MTAP: variants seen among roughly 807,000 people sequenced by gnomAD.
MTAP encodes the protein methylthioadenosine phosphorylase, also known as S-methyl-5'-thioadenosine phosphorylase.
A neutral mutation model predicts 33.6 loss-of-function variants in MTAP; 33 were observed. The observed-to-expected ratio is 0.98, with a 90% CI of 0.74 to 1.31. The LOEUF (loss-of-function observed/expected upper bound fraction) is 1.31, where lower values mean the gene tolerates loss of function less well. MTAP is among the 40% of genes most tolerant of loss of function. The pLI, the probability that MTAP is intolerant of heterozygous loss-of-function variation, is 0.00. For synonymous variants in MTAP, 148 were observed against 125.7 expected (o/e 1.18, Z -1.19); for missense variants, 367 against 360.0 (o/e 1.02, Z -0.16).
chr9:21,833,544 A>G (rs947150427), intron 4 of MTAP, among the ~76,000 whole-genome samples: 1 of 152,182 alleles, frequency 6.6e-6, no homozygotes, highest in African/African-American at 2.4e-5. Flanking sequence ...ATTTTTTCTC[A>G]TGACTGCCTA....
intron 1 of MTAP, among the ~76,000 whole-genome samples, chr9:21,807,044 A>G (rs932635834): frequency 2.6e-5 from 4 of 152,120 alleles, no homozygotes; most frequent in African/African-American, 4.8e-5. Flanking sequence ...CACGCATGTA[A>G]TCCCAGCTAC....
At chr9:21,940,084 C>G (rs1416630758), downstream of MTAP, among the ~76,000 whole-genome samples, 2 of 152,122 alleles carry the variant, frequency 1.3e-5, no homozygotes, top group Non-Finnish European at 2.9e-5. Context: ...AGTTTGAAAC[C>G]AAGCCTGGCC....
rs112010100 is a variant in MTAP at position 21,827,044 on chromosome 9, T to A, written c.347+8842T>A. 3.7e-3 allele frequency among the ~76,000 whole-genome samples: 562 copies of A among 152,270 alleles called. 4 individuals are homozygous for A. Among genetic ancestry groups the A allele is most frequent in the African/African-American group, 0.013 (525 of 41,540 alleles). On this transcript the variant is annotated intron_variant, in intron 4 of 7. Transcript: ENST00000644715. ...TGAAACCATCCCCTCTGACCCTCTC[T>A]GTGGAAAAATTATCTTCCATGAAAT...
At position 21,865,915 on chromosome 9, in the gene MTAP, T is replaced by C. The variant is rs995568790; in HGVS notation, c.*3901T>C. 42 of 550,270 alleles carry C rather than the reference T, an allele frequency of 7.6e-5. No homozygotes were observed. Among genetic ancestry groups the C allele is most frequent in the Non-Finnish European group, 9.0e-5 (39 of 431,942 alleles). 34.1% of individuals were successfully genotyped at this position (550,270 alleles called of 1,614,324 possible). On this transcript the variant is annotated 3_prime_UTR_variant, in exon 8 of 8. Coordinates refer to ENST00000644715, the MANE Select transcript of MTAP (RefSeq NM_002451.4). ...GATTATCTATTCACCTGTTGATGAA[T>C]GTTTGAATTTTTTCCATTTGAGGAA...
rs566201427 is a variant in MTAP, at chr9:21,913,332, G to C, written c.148-17676G>C. ...GCCTGCACCGCCAAGTCAATCCTAAGCCAAAAGAACAAAGCTGGAGGCATC... is the reference window on the plus strand; with the variant it reads ...GCCTGCACCGCCAAGTCAATCCTAACCCAAAAGAACAAAGCTGGAGGCATC... On this transcript the variant is annotated intron_variant, in intron 1 of 1. Coordinates refer to the MTAP transcript ENST00000577563. 8.2e-4 allele frequency among the ~76,000 whole-genome samples: 125 copies of C among 152,266 alleles called. 1 individual carries two copies. The highest frequency in any genetic ancestry group is 1.8e-4 in the Non-Finnish European group (12 of 68,034).
intron 4 of MTAP, among the ~76,000 whole-genome samples, chr9:21,831,776 C>T (rs1180882241): frequency 6.9e-6 from 1 of 144,788 alleles, no homozygotes. Flanking sequence ...GAATGTTTTG[C>T]AGATATTGAT....
chr9:21,900,355 G>A (rs958327377), intron 1 of MTAP, among the ~76,000 whole-genome samples: 2 of 152,004 alleles, frequency 1.3e-5, no homozygotes, highest in Admixed American at 6.6e-5. Context: ...ATGGGCAAAC[G>A]AAATGAACAG....
At chr9:21,933,824 A>G (rs1819000991), downstream of MTAP, 1 of 152,120 alleles carries the variant, frequency 6.6e-6, no homozygotes, top group African/African-American at 2.4e-5. Context: ...ATATTTTTCT[A>G]CCTCTAGAGA....
At chr9:21,928,805 T>G (rs1462761078) in intron 1 of MTAP, among the ~76,000 whole-genome samples, 3 of 152,000 alleles carry the variant, frequency 2.0e-5, no homozygotes, top group Non-Finnish European at 2.9e-5. Context: ...CAAATCTGTA[T>G]TGCCCCTAAG....
At chr9:21,893,512 C>T (rs981387538) in intron 1 of MTAP, 4 of 151,790 alleles carry the variant, frequency 2.6e-5, no homozygotes, top group African/African-American at 9.7e-5. Context: ...GCTTGCTAGA[C>T]TTACAAAAAA....
At chr9:21,845,028 CT>C (rs1434026287) in intron 5 of MTAP, among the ~76,000 whole-genome samples, 1 of 103,018 alleles carries the variant, frequency 9.7e-6, no homozygotes, top group African/African-American at 5.0e-5. Context: ...GAGACTCCGT[CT>C]CAAAAAAAAA....
chr9:21,881,051 A>C (rs1421762946), intron 1 of MTAP, among the ~76,000 whole-genome samples: 1 of 152,102 alleles, frequency 6.6e-6, no homozygotes, highest in Non-Finnish European at 1.5e-5. Context: ...GTACTGGCAT[A>C]AAGACAGACA....
chr9:21,856,620 G>A (rs1286281216), intron 6 of MTAP, among the ~76,000 whole-genome samples: 2 of 152,178 alleles, frequency 1.3e-5, no homozygotes, highest in Non-Finnish European at 2.9e-5. Context: ...AGAACCAGCA[G>A]TGATTTCCTT....
downstream of MTAP, among the ~76,000 whole-genome samples, chr9:21,868,590 C>G (rs1006320693): frequency 2.6e-5 from 4 of 152,218 alleles, no homozygotes; most frequent in Admixed American, 2.6e-4. Context: ...AGCACAAACT[C>G]AACAAATATT....
chr9:21,885,819 TG>T (rs1436441138), intron 1 of MTAP, among the ~76,000 whole-genome samples: 1 of 149,154 alleles, frequency 6.7e-6, no homozygotes, highest in East Asian at 1.9e-4. Flanking sequence ...TGTGTGTGTG[TG>T]TATACAGATC....
intron 1 of MTAP, among the ~76,000 whole-genome samples, chr9:21,880,668 A>G (rs547201499): frequency 6.6e-6 from 1 of 152,272 alleles, no homozygotes; most frequent in South Asian, 2.1e-4. Context: ...ATAAAAAGGA[A>G]TACAATACTT....
intron 4 of MTAP, among the ~76,000 whole-genome samples, chr9:21,834,153 T>C (rs188263411): frequency 3.7e-4 from 56 of 152,354 alleles, no homozygotes; most frequent in East Asian, 3.7e-3. Flanking sequence ...CCATAAATGA[T>C]AGTGACAAGT....
intron 1 of MTAP, among the ~76,000 whole-genome samples, chr9:21,909,444 T>TTTTGCTG (rs1316487950): frequency 6.6e-6 from 1 of 152,120 alleles, no homozygotes; most frequent in Non-Finnish European, 1.5e-5. Context: ...TCTATAATGG[T>TTTTGCTG]TTTGCTGTTC....
intron 1 of MTAP, among the ~76,000 whole-genome samples, chr9:21,913,228 C>G (rs1213474478): frequency 2.0e-5 from 3 of 152,122 alleles, no homozygotes; most frequent in Non-Finnish European, 4.4e-5. Context: ...AAATTCAATG[C>G]CATCCCCATC....
Sources: gnomAD v4.1 joint callset for allele counts (sites outside exome capture counted in the v4.1 genomes callset) on GRCh38, gnomAD v4.1.1 for gene constraint, MANE v1.5 for transcripts, NCBI Gene and HGNC (gene_info 2026-07-23, HGNC 2026-07-21) for gene names.